CC2D2B: variants seen among roughly 807,000 people sequenced by gnomAD.
The protein encoded by CC2D2B is protein CC2D2B.
CC2D2B carries 128 observed loss-of-function variants against 161.2 expected under a neutral mutation model. The observed-to-expected ratio is 0.79, with a 90% confidence interval of 0.69 to 0.92. The LOEUF (loss-of-function observed/expected upper bound fraction) is 0.92, where lower values mean the gene tolerates loss of function less well. Among genes scored for constraint, CC2D2B ranks in the 40% least tolerant of loss-of-function variants. The pLI, the probability that CC2D2B is intolerant of heterozygous loss-of-function variation, is 0.00. For synonymous variants in CC2D2B, 391 were observed against 449.8 expected, an observed-to-expected ratio of 0.87 and a Z score of 1.65; for missense variants, 1,173 against 1,375.1, an observed-to-expected ratio of 0.85 and a Z score of 2.32.
Position 95,955,387 on chromosome 10 carries a change from G to A in CC2D2B, c.1012-7G>A, listed in dbSNP as rs898181437. 5.1e-6 allele frequency: 2 copies of A among 389,926 alleles called. No homozygotes were observed. The highest frequency in any genetic ancestry group is 2.1e-5 in the African/African-American group (1 of 47,368). The allele number at this position is 389,926 out of a possible 1,614,324, so 24.2% of individuals were successfully genotyped here. A position where few individuals can be genotyped will look rare whatever the true frequency, so the allele number is the denominator to read the frequency against. ...TATACCGAAGAGCTCTTTTTTTTTT[G>A]TTATAGCTGAAAGCACTGACAGATG... is the stretch of plus-strand genomic sequence containing the variant. On this transcript the variant is annotated splice_polypyrimidine_tract_variant and splice_region_variant and intron_variant, in intron 10 of 34. Coordinates refer to ENST00000646931, the MANE Select transcript of CC2D2B (RefSeq NM_001349008.3).
intron 32 of CC2D2B, 116 bp from the exon 33 acceptor site, chr10:96,024,737 G>GT (rs2079618698): frequency 3.7e-6 from 2 of 545,274 alleles, no homozygotes; most frequent in African/African-American, 3.9e-5. Context: ...GGAATTGAGT[G>GT]TTTTTGCCAC....
At chr10:95,960,379 T>C (rs938819493) in intron 11 of CC2D2B, among the ~76,000 whole-genome samples, 1 of 152,166 alleles carries the variant, frequency 6.6e-6, no homozygotes, top group South Asian at 2.1e-4. Flanking sequence ...GAAAGAGACA[T>C]TGAATGACTT....
intron 25 of CC2D2B, among the ~76,000 whole-genome samples, chr10:96,007,262 G>C (rs1234802344): frequency 6.6e-6 from 1 of 152,118 alleles, no homozygotes; most frequent in African/African-American, 2.4e-5. Context: ...CCACTTATAA[G>C]TGAGAGCATG....
chr10:96,019,386 C>A, intron 31 of CC2D2B, 49 bp downstream of exon 31: 1 of 1,510,764 alleles, frequency 6.6e-7, no homozygotes, highest in South Asian at 1.2e-5. Context: ...CTAGAGTCAC[C>A]CTGGCTACAC....
Position 96,014,533 on chromosome 10 carries a change from C to A in CC2D2B, c.3516+656C>A, listed in dbSNP as rs376853044. On this transcript the variant is annotated intron_variant, in intron 29 of 34. Transcript: ENST00000646931. ...AGTTTTACAAGAAAAGAATTATTTT[C>A]TCTCACCTAACACACAGTCTTTGGA... Among the ~76,000 whole-genome samples, 3 of 152,124 alleles carry A rather than the reference C, an allele frequency of 2.0e-5. No homozygotes were observed. In the East Asian group the frequency reaches 5.8e-4, roughly 29 times the overall value.
At chr10:96,006,871 A>G (rs982912932) in intron 25 of CC2D2B, among the ~76,000 whole-genome samples, 1 of 152,156 alleles carries the variant, frequency 6.6e-6, no homozygotes, top group Non-Finnish European at 1.5e-5. Context: ...TTATAGCTCC[A>G]GATATTGTCT....
chr10:95,960,460 G>A (rs1297871667), intron 11 of CC2D2B, among the ~76,000 whole-genome samples: 4 of 152,094 alleles, frequency 2.6e-5, no homozygotes, highest in African/African-American at 9.7e-5. Context: ...TTGTTGTGGG[G>A]GTTTTCAAGC....
Position 96,012,604 on chromosome 10 carries a change from C to T in CC2D2B, c.3301C>T (p.Arg1101Ter), listed in dbSNP as rs1215015186. Residue 1101 changes from arginine to a stop codon, truncating the protein, a stop_gained, in exon 28 of 35, where the codon CGA becomes TGA. Transcript: ENST00000646931. LOFTEE classifies it high-confidence loss of function. ...GAATTGTAAGGCAATGTTTCCCAACCGAAGAATCGTAACTACTGTTTTTAA... is the reference window on the plus strand; with the variant it reads ...GAATTGTAAGGCAATGTTTCCCAACTGAAGAATCGTAACTACTGTTTTTAA... ...KKNCKAMFPN[R>*]RIVTTVFNDE... 5.6e-6 allele frequency: 9 copies of T among 1,612,462 alleles called. No individual in the cohort carries two copies. The highest frequency in any genetic ancestry group is 2.7e-5 in the African/African-American group (2 of 74,856).
chr10:96,004,006 C>A, intron 24 of CC2D2B, 146 bp from the exon 25 acceptor site: 1 of 545,120 alleles, frequency 1.8e-6, no homozygotes, highest in South Asian at 2.8e-5. Context: ...AGCAGCCAGT[C>A]TTCAGAACAT....
chr10:95,922,241 T>A (rs2098528802), intron 3 of CC2D2B, among the ~76,000 whole-genome samples, 165 bp downstream of exon 3: 1 of 152,176 alleles, frequency 6.6e-6, no homozygotes, highest in African/African-American at 2.4e-5. Flanking sequence ...CATAAGGAAA[T>A]AGAAAAGTCA....
chr10:95,985,592 T>G (rs1206165637), intron 19 of CC2D2B, among the ~76,000 whole-genome samples: 1 of 152,198 alleles, frequency 6.6e-6, no homozygotes, highest in Non-Finnish European at 1.5e-5. Context: ...GACCCTGTGA[T>G]GATTGTGTTA....
At chr10:96,023,186 A>C (rs982413632) in intron 32 of CC2D2B, among the ~76,000 whole-genome samples, 1 of 152,240 alleles carries the variant, frequency 6.6e-6, no homozygotes, top group Admixed American at 6.5e-5. Context: ...GGCTGAAACT[A>C]AAGCCTTCTG....
In CC2D2B at chr10:95,968,731, CA is replaced by C. The variant is rs1564626847; in HGVS notation, c.1480del (p.Arg494GlufsTer45). The C allele has an allele frequency of 1.7e-6, 2 of 1,195,648 alleles. No individual in the cohort carries two copies. The highest frequency in any genetic ancestry group is 2.1e-6 in the Non-Finnish European group (2 of 955,252). The allele number at this position is 1,195,648 out of a possible 1,614,324, so 74.1% of individuals were successfully genotyped here. ...TSLSKCSLHEQKRRAKIQKLK... is the reference protein window; with the variant it reads ...TSLSKCSLHEXKRRAKIQKLK... ...GGTTTGTTTAATTTTTAGGCATGAA[CA>C]AAAAAGAAGAGCCAAAATTCAGAAG... On this transcript the variant is annotated frameshift_variant, in exon 15 of 35. Transcript: ENST00000646931. LOFTEE classifies it high-confidence loss of function.
rs2077161223 is a variant in CC2D2B, at chr10:95,972,241, T to TC, written c.1795+30dup. 7 of 1,227,692 alleles carry TC rather than the reference T, an allele frequency of 5.7e-6. No individual in the cohort carries two copies. In the South Asian group the frequency reaches 2.1e-4, roughly 36 times the overall value. The allele number at this position is 1,227,692 out of a possible 1,614,324, so 76.0% of individuals were successfully genotyped here. On this transcript the variant is annotated intron_variant, in intron 16 of 34. Coordinates refer to ENST00000646931, the MANE Select transcript of CC2D2B (RefSeq NM_001349008.3). ...AGTGAGTTTATTAAAAATATTACAT[T>TC]CCCCCTATTTTCTTCCTGAGTACCA...
rs1039617584 is a variant in CC2D2B at position 96,006,239 on chromosome 10, T to C, written c.2946+1991T>C. The stretch of plus-strand genomic sequence containing the variant: ...TGATCTCTTGCCTTCTCATGAATAA[T>C]AGAAACATTCTGAGACTATAAATTT... On this transcript the variant is annotated intron_variant, in intron 25 of 34. Transcript: ENST00000646931. 1.8e-4 allele frequency among the ~76,000 whole-genome samples: 27 copies of C among 151,368 alleles called. 1 individual carries two copies. In the East Asian group the frequency reaches 3.7e-3, roughly 21 times the overall value.
At chr10:95,916,605 T>A (rs1394758353) in intron 2 of CC2D2B, among the ~76,000 whole-genome samples, 1 of 152,126 alleles carries the variant, frequency 6.6e-6, no homozygotes, top group Non-Finnish European at 1.5e-5. Context: ...GTGTTTCAAT[T>A]TTCATTTGTT....
chr10:95,914,223 T>G lies in CC2D2B; in HGVS notation c.36+2864T>G, dbSNP rs183727809. 2.0e-3 allele frequency among the ~76,000 whole-genome samples: 308 copies of G among 152,322 alleles called. 5 individuals are homozygous for G. Among genetic ancestry groups the G allele is most frequent in the African/African-American group, 6.8e-3 (284 of 41,570 alleles). Reference sequence around the variant, plus strand: ...GCCCCCTTTATTAAAGAGATTGTCTTTTCCCAATGTGCATTTTTGGCACCT... The same window carrying G: ...GCCCCCTTTATTAAAGAGATTGTCTGTTCCCAATGTGCATTTTTGGCACCT... On this transcript the variant is annotated intron_variant, in intron 2 of 34. Transcript: ENST00000646931.
intron 25 of CC2D2B, among the ~76,000 whole-genome samples, chr10:96,009,045 T>A (rs1187566951): frequency 6.6e-6 from 1 of 152,122 alleles, no homozygotes; most frequent in Non-Finnish European, 1.5e-5. Flanking sequence ...AAAATATCTC[T>A]CTTTATTCCT....
chr10:95,941,649 C>T (rs998469039), intron 9 of CC2D2B, among the ~76,000 whole-genome samples: 5 of 151,980 alleles, frequency 3.3e-5, no homozygotes, highest in African/African-American at 1.2e-4. Context: ...CACTTCTCAC[C>T]TGTTAGGATG....
Sources: allele counts gnomAD v4.1 joint callset (sites outside exome capture counted in the v4.1 genomes callset), GRCh38; gene constraint gnomAD v4.1.1; transcripts MANE v1.5; gene names NCBI Gene and HGNC (gene_info 2026-07-23, HGNC 2026-07-21).